Variants in PSMD11 observed in about 807,000 individuals in gnomAD.
PSMD11 encodes 26S proteasome non-ATPase regulatory subunit 11.
Under a neutral mutation model 62.3 loss-of-function variants are expected in PSMD11, and 5 were observed. That is an observed-to-expected ratio of 0.08 (90% CI 0.04 to 0.17). The LOEUF is 0.17. PSMD11 is among the 10% of genes least tolerant of loss of function. The probability of loss-of-function intolerance (pLI) is 1.00; values close to 1 mark genes in which losing one functional copy is unlikely to be tolerated. For missense variants in PSMD11, 310 were observed against 512.9 expected, an observed-to-expected ratio of 0.60 and a Z score of 3.82; for synonymous variants, 191 against 191.8, an observed-to-expected ratio of 1.00 and a Z score of 0.03.
At position 32,474,772 on chromosome 17, in the gene PSMD11, A is replaced by T; in HGVS notation, c.797A>T (p.Asp266Val). 6.2e-7 allele frequency: 1 copy of T among 1,614,122 alleles called. No homozygotes were observed. Among genetic ancestry groups the T allele is most frequent in the Non-Finnish European group, 8.5e-7 (1 of 1,179,982 alleles). The stretch of plus-strand genomic sequence containing the variant: ...TATGTCTTTTTTTCTAGCCCAGAAG[A>T]TGTCCAGGCTTTGGTGAGCGGGAAG... ...LCKIMLNTPE[D>V]VQALVSGKLA... The change falls in exon 8 of 14, where the codon GAT becomes GTT. Residue 266 changes from aspartate (D) to valine (V), a missense_variant. Coordinates refer to ENST00000261712, the MANE Select transcript of PSMD11 (RefSeq NM_002815.4).
intron 9 of PSMD11, among the ~76,000 whole-genome samples, chr17:32,478,826 G>A (rs1908404475): frequency 6.6e-6 from 1 of 152,156 alleles, no homozygotes; most frequent in Admixed American, 6.5e-5. Flanking sequence ...GGCTTACATG[G>A]TTTGAGCTGT....
chr17:32,460,570 G>A (rs1304061386), intron 3 of PSMD11, among the ~76,000 whole-genome samples: 1 of 152,024 alleles, frequency 6.6e-6, no homozygotes, highest in East Asian at 1.9e-4. Flanking sequence ...TTAGGAGATC[G>A]AGACTATCCT....
chr17:32,481,281 G>C lies in PSMD11; in HGVS notation c.*529G>C, dbSNP rs181305779. On this transcript the variant is annotated 3_prime_UTR_variant, in exon 14 of 14. Transcript: ENST00000261712. ...CTTTCCCCTACCATACGGCCTGTCT[G>C]CCCTTCCCTCCCCACATTGGCTCCA... The C allele has an allele frequency of 6.4e-6, 1 of 155,382 alleles. No homozygotes were observed. The highest frequency in any genetic ancestry group is 6.5e-5 in the Admixed American group (1 of 15,334). The allele number at this position is 155,382 out of a possible 1,614,324, so 9.6% of individuals were successfully genotyped here. A position where few individuals can be genotyped will look rare whatever the true frequency, so the allele number is the denominator to read the frequency against.
At chr17:32,474,970 A>C in intron 8 of PSMD11, 146 bp downstream of exon 8, 1 of 770,600 alleles carries the variant, frequency 1.3e-6, no homozygotes, top group South Asian at 1.6e-5. Context: ...AAGCCCATTC[A>C]GTGTGTTTCC....
intron 1 of PSMD11, 188 bp downstream of exon 1, chr17:32,444,802 G>A: frequency 1.6e-6 from 1 of 643,362 alleles, no homozygotes; most frequent in Non-Finnish European, 2.5e-6. Context: ...TTGTGGGAGG[G>A]CTTGAGGCAA....
chr17:32,479,520 A>G (rs1312174674), intron 10 of PSMD11, 144 bp downstream of exon 10: 2 of 1,182,104 alleles, frequency 1.7e-6, no homozygotes, highest in Non-Finnish European at 2.4e-6. Context: ...CTCTGTTGAT[A>G]AAATGAACAA....
chr17:32,464,147 A>G, intron 4 of PSMD11, 27 bp downstream of exon 4: 1 of 1,581,096 alleles, frequency 6.3e-7, no homozygotes, highest in Non-Finnish European at 8.7e-7. Flanking sequence ...TACTCATTTC[A>G]GGTCTCTAAG....
chr17:32,456,827 G>T (rs566890987), intron 3 of PSMD11, among the ~76,000 whole-genome samples: 4 of 152,288 alleles, frequency 2.6e-5, no homozygotes, highest in African/African-American at 9.6e-5. Flanking sequence ...CACCGTGCCT[G>T]GCCCTAATTT....
At chr17:32,472,696 C>G (rs375327743) in intron 6 of PSMD11, among the ~76,000 whole-genome samples, 114 of 152,070 alleles carry the variant, frequency 7.5e-4, no homozygotes, top group African/African-American at 2.6e-3. Flanking sequence ...CGCCACCATG[C>G]CTGGCTGGTT....
At position 32,473,904 on chromosome 17, in the gene PSMD11, A is replaced by G. The variant is rs762482816; in HGVS notation, c.747A>G (p.Thr249=). 1.2e-6 allele frequency: 2 copies of G among 1,614,194 alleles called. No individual in the cohort carries two copies. Among genetic ancestry groups the G allele is most frequent in the Non-Finnish European group, 1.7e-6 (2 of 1,180,036 alleles). The change falls in exon 7 of 14, where the codon ACA becomes ACG. Residue 249 remains threonine, a synonymous_variant. Coordinates refer to ENST00000261712, the MANE Select transcript of PSMD11 (RefSeq NM_002815.4). ...CCATCGACAGCCCCAAGGCCATCAC[A>G]TCTCTGAAGTACATGTTGCTGTGCA... ...YDSIDSPKAI[T]SLKYMLLCKI...
intron 2 of PSMD11, among the ~76,000 whole-genome samples, chr17:32,451,481 G>A (rs1198981582): frequency 6.6e-6 from 1 of 152,152 alleles, no homozygotes; most frequent in African/African-American, 2.4e-5. Flanking sequence ...ATTATTCTGA[G>A]AAAAATCATG....
chr17:32,478,175 T>A (rs951213726), intron 9 of PSMD11, among the ~76,000 whole-genome samples: 1 of 152,182 alleles, frequency 6.6e-6, no homozygotes, highest in African/African-American at 2.4e-5. Flanking sequence ...AGGGTGAGAA[T>A]TATATAGTCT....
intron 2 of PSMD11, among the ~76,000 whole-genome samples, chr17:32,447,917 G>A (rs1290923769): frequency 2.0e-5 from 3 of 146,652 alleles, no homozygotes; most frequent in African/African-American, 7.6e-5. Flanking sequence ...GTCTTGCTGT[G>A]TCACCCGGGT....
At chr17:32,448,722 C>T (rs1711580284) in intron 2 of PSMD11, among the ~76,000 whole-genome samples, 1 of 152,004 alleles carries the variant, frequency 6.6e-6, no homozygotes, top group Admixed American at 6.6e-5. Context: ...ATTGAATCCT[C>T]GAAACAACTT....
chr17:32,479,368 A>G lies in PSMD11; in HGVS notation c.1030A>G (p.Arg344Gly). 1.9e-6 allele frequency: 3 copies of G among 1,614,114 alleles called. No individual in the cohort carries two copies. The highest frequency in any genetic ancestry group is 2.5e-6 in the Non-Finnish European group (3 of 1,179,984). ...GATCCGAGTCATTGAGCCTTTTTCC[A>G]GAGTACAGGTGAGAACCCTCTGGGG... ...NLIRVIEPFS[R>G]VQIEHISSLI... The change falls in exon 10 of 14, where the codon AGA (arginine) becomes GGA (glycine). Residue 344 changes from arginine (R) to glycine (G), a missense_variant. Transcript: ENST00000261712.
intron 10 of PSMD11, 174 bp downstream of exon 10, chr17:32,479,550 T>C: frequency 2.0e-6 from 2 of 978,006 alleles, no homozygotes; most frequent in Non-Finnish European, 3.0e-6. Context: ...AGAGAGATGC[T>C]GTGGGTAGAG....
chr17:32,455,041 G>C (rs1320444584), intron 3 of PSMD11, among the ~76,000 whole-genome samples: 1 of 152,138 alleles, frequency 6.6e-6, no homozygotes, highest in East Asian at 1.9e-4. Flanking sequence ...CCATCCATTT[G>C]TGTCTCATTG....
intron 2 of PSMD11, among the ~76,000 whole-genome samples, chr17:32,449,753 T>C (rs1907434512): frequency 1.3e-5 from 2 of 152,234 alleles, no homozygotes; most frequent in African/African-American, 4.8e-5. Flanking sequence ...CCTACATATA[T>C]TTAGCTGTCT....
At chr17:32,479,735 G>C (rs921931660) in intron 10 of PSMD11, 116 bp from the exon 11 acceptor site, 2 of 1,228,760 alleles carry the variant, frequency 1.6e-6, no homozygotes, top group Non-Finnish European at 1.2e-6. Context: ...CGGCCAAGGA[G>C]GGTCTTACAT....
Sources: gnomAD v4.1 joint callset for allele counts (sites outside exome capture counted in the v4.1 genomes callset) on GRCh38, gnomAD v4.1.1 for gene constraint, MANE v1.5 for transcripts, NCBI Gene and HGNC (gene_info 2026-07-23, HGNC 2026-07-21) for gene names.